C4orf50: variants seen among roughly 807,000 people sequenced by gnomAD.
The protein encoded by C4orf50 is chromosome 4 open reading frame 50, also known as uncharacterized protein C4orf50.
Under a neutral mutation model 77.2 loss-of-function variants are expected in C4orf50, and 80 were observed. The ratio of observed to expected loss-of-function variants is 1.04; its 90% CI spans 0.87 to 1.25. The LOEUF is 1.25. C4orf50 is among the 50% of genes most tolerant of loss of function. C4orf50 has a pLI of 0.00. For missense variants in C4orf50, 1,257 were observed against 1,152.9 expected, an observed-to-expected ratio of 1.09 and a Z score of -1.31; for synonymous variants, 532 against 465.3, an observed-to-expected ratio of 1.14 and a Z score of -1.84.
intron 7 of C4orf50, among the ~76,000 whole-genome samples, chr4:5,928,363 T>TACACAC (rs143874965): frequency 6.8e-6 from 1 of 146,468 alleles, no homozygotes; most frequent in Non-Finnish European, 1.5e-5. Flanking sequence ...CACACACACA[T>TACACAC]ACACACACAC....
At chr4:5,925,002 G>C (rs1717449558) in intron 7 of C4orf50, among the ~76,000 whole-genome samples, 1 of 152,114 alleles carries the variant, frequency 6.6e-6, no homozygotes, top group Non-Finnish European at 1.5e-5. Context: ...AGGAAGGGGA[G>C]TGGGAGAGGT....
intron 7 of C4orf50, among the ~76,000 whole-genome samples, chr4:5,933,892 G>A (rs1161215281): frequency 6.6e-6 from 1 of 152,172 alleles, no homozygotes; most frequent in Non-Finnish European, 1.5e-5. Flanking sequence ...CTGTTGGGGA[G>A]AGGAGTGGGA....
At position 6,004,297 on chromosome 4, in the gene C4orf50, GGTGATGGTGGTGATGATGTGATCGTA is replaced by G. The variant is rs1560598987; in HGVS notation, c.963+3673_963+3698del. Among the ~76,000 whole-genome samples, 370 of 70,358 alleles carry G rather than the reference GGTGATGGTGGTGATGATGTGATCGTA, an allele frequency of 5.3e-3. 14 individuals are homozygous for G. Among genetic ancestry groups the G allele is most frequent in the East Asian group, 0.032 (26 of 808 alleles). 46.2% of individuals were successfully genotyped at this position (70,358 alleles called of 152,430 possible). ...TGGTGATGGTGATGTTGGTGATGAT[GGTGATGGTGGTGATGATGTGATCGTA>G]ATGGTGATGATGGTGATGGTGATGA... is the stretch of plus-strand genomic sequence containing the variant. On this transcript the variant is annotated intron_variant, in intron 25 of 33. Transcript: ENST00000531445.
chr4:5,929,840 T>C (rs1248365142), intron 7 of C4orf50, among the ~76,000 whole-genome samples: 1 of 152,238 alleles, frequency 6.6e-6, no homozygotes, highest in African/African-American at 2.4e-5. Flanking sequence ...AAAGGGCAAT[T>C]AAGTGTTGAA....
intron 25 of C4orf50, among the ~76,000 whole-genome samples, chr4:6,004,253 G>GTGATAGTTA (rs1722091031): frequency 2.4e-5 from 1 of 42,486 alleles, no homozygotes; most frequent in Non-Finnish European, 4.7e-5. Flanking sequence ...GGTGATGATG[G>GTGATAGTTA]TGATGGTGAT....
rs191701392 is a variant in C4orf50 at position 5,970,255 on chromosome 4, G to A, written c.4105-2793C>T. On this transcript the variant is annotated intron_variant, in intron 31 of 33. Transcript: ENST00000531445. This position sits in a 1 kb window ranked among gnomAD's most constrained non-coding sequence, Gnocchi z 4.3. ...CCCTGCTCACTCAAGGCGTCCAGGG[G>A]ACAAGGCGGAATTAAGAACTCTAGA... is the stretch of plus-strand genomic sequence containing the variant. Among the ~76,000 whole-genome samples, 47 of 152,190 alleles carry A rather than the reference G, an allele frequency of 3.1e-4. No individual in the cohort carries two copies. The highest frequency in any genetic ancestry group is 2.1e-3 in the East Asian group (11 of 5,162).
chr4:5,964,435 GTCA>G (rs10588273), intron 33 of C4orf50, among the ~76,000 whole-genome samples: 51,067 of 151,686 alleles, frequency 0.34, 8,965 homozygotes, highest in African/African-American at 0.41. Context: ...CTCAAATTGT[GTCA>G]TCAAGGTTTT....
At chr4:5,927,851 G>A (rs1717587949) in intron 7 of C4orf50, among the ~76,000 whole-genome samples, 1 of 152,128 alleles carries the variant, frequency 6.6e-6, no homozygotes, top group Non-Finnish European at 1.5e-5. Context: ...CTTCAGCTCA[G>A]ACATGGCCTC....
Position 5,989,984 on chromosome 4 carries a change from GCTGA to G in C4orf50, c.2058_2061del (p.Gln687SerfsTer39), listed in dbSNP as rs1721162782. ...GTGGCTCTGACTTTCCCTGCGAGGA[GCTGA>G]CTGTCTGTTGGCCATGGCTCTTTGG... On this transcript the variant is annotated frameshift_variant, in exon 28 of 34. Transcript: ENST00000531445. LOFTEE classifies it high-confidence loss of function. The G allele has an allele frequency of 6.4e-6, 9 of 1,407,708 alleles. No homozygotes were observed. Among genetic ancestry groups the G allele is most frequent in the Middle Eastern group, 2.6e-4 (1 of 3,814 alleles). 87.2% of individuals were successfully genotyped at this position (1,407,708 alleles called of 1,614,324 possible).
At chr4:5,968,259 T>A (rs149794828) in intron 31 of C4orf50, among the ~76,000 whole-genome samples, 470 of 152,306 alleles carry the variant, frequency 3.1e-3, no homozygotes, top group African/African-American at 0.01. Flanking sequence ...CTCTGTGAAG[T>A]CTTCCCTGAC....
At chr4:5,943,092 T>C (rs944225761) in intron 7 of C4orf50, among the ~76,000 whole-genome samples, 5 of 152,226 alleles carry the variant, frequency 3.3e-5, no homozygotes, top group African/African-American at 1.2e-4. Flanking sequence ...ATTATCCTAG[T>C]GTTCCAGGCA....
exon 28 of C4orf50, chr4:5,989,177 T>C: frequency 6.5e-7 from 1 of 1,536,096 alleles, no homozygotes; most frequent in Non-Finnish European, 8.7e-7. Context: ...GCGCACACTC[T>C]TTCATGGAAC....
chr4:5,912,536 G>A (rs926768175), intron 7 of C4orf50, among the ~76,000 whole-genome samples: 7 of 152,202 alleles, frequency 4.6e-5, no homozygotes, highest in Admixed American at 1.3e-4. Flanking sequence ...GTATGATGGT[G>A]AAAGAGTGCA....
chr4:5,973,712 C>G (rs145323096), exon 31 of C4orf50: 2 of 1,614,000 alleles, frequency 1.2e-6, no homozygotes, highest in Non-Finnish European at 1.7e-6. Context: ...AGTGCCACGT[C>G]GTTGAGCATG....
chr4:5,940,573 A>G lies in C4orf50; in HGVS notation c.*2474+16328T>C, dbSNP rs575416490. Among the ~76,000 whole-genome samples, 5 of 152,238 alleles carry G rather than the reference A, an allele frequency of 3.3e-5. No homozygotes were observed. The South Asian group carries it at 1.0e-3, about 32-fold the overall frequency. On this transcript the variant is annotated intron_variant, in intron 7 of 7. Coordinates refer to the C4orf50 transcript ENST00000324058. ...AAGTAATCAGGGCCTCAAAAATGTC[A>G]TTTCCTGCCAGTGAAGGACTGTTTG...
downstream of C4orf50, among the ~76,000 whole-genome samples, chr4:5,952,118 G>C (rs563112041): frequency 6.6e-6 from 1 of 152,292 alleles, no homozygotes; most frequent in Admixed American, 6.5e-5. This position sits in a 1 kb window ranked among gnomAD's most constrained non-coding sequence, Gnocchi z 4.4. Flanking sequence ...GGAGGAGCCA[G>C]GCACTGTTCT....
Position 5,908,046 on chromosome 4 carries a change from T to C in C4orf50, c.*2475-9858A>G, listed in dbSNP as rs890234463. On this transcript the variant is annotated intron_variant, in intron 7 of 7. Coordinates refer to the C4orf50 transcript ENST00000324058. The surrounding 1 kb of genome is among the most constrained non-coding windows in gnomAD (Gnocchi z 5.6). ...AGCTGACCATTCACTGATTCATTCA[T>C]TCATTCATTCATTCATTTGCTTGTT... 1.3e-5 allele frequency among the ~76,000 whole-genome samples: 2 copies of C among 152,158 alleles called. No homozygotes were observed. Among genetic ancestry groups the C allele is most frequent in the African/African-American group, 4.8e-5 (2 of 41,462 alleles).
intron 7 of C4orf50, among the ~76,000 whole-genome samples, chr4:5,920,372 C>T (rs1035721452): frequency 4.6e-5 from 7 of 151,928 alleles, no homozygotes; most frequent in Non-Finnish European, 7.4e-5. Context: ...TTGAGGTGTG[C>T]GCCTGGTGCC....
At chr4:5,912,679 C>T (rs923274965) in intron 7 of C4orf50, among the ~76,000 whole-genome samples, 9 of 152,152 alleles carry the variant, frequency 5.9e-5, no homozygotes, top group Admixed American at 5.2e-4. Context: ...CCACACCATG[C>T]AAGGCCACAG....
Sources: gnomAD v4.1 joint callset for allele counts (sites outside exome capture counted in the v4.1 genomes callset) on GRCh38, gnomAD v4.1.1 for gene constraint, Gnocchi (gnomAD v3.1) non-coding constraint, MANE v1.5 for transcripts, NCBI Gene and HGNC (gene_info 2026-07-23, HGNC 2026-07-21) for gene names.